RBPMS: variants seen among roughly 807,000 people sequenced by gnomAD.
RBPMS encodes RNA-binding protein with multiple splicing.
RBPMS carries 7 observed loss-of-function variants against 26.8 expected under a neutral mutation model. The observed-to-expected ratio is 0.26, with a 90% CI of 0.15 to 0.49. The LOEUF (loss-of-function observed/expected upper bound fraction) is 0.49. Ranked by LOEUF, RBPMS falls within the 20% of genes least tolerant of loss-of-function variation. RBPMS has a pLI of 0.98. For synonymous variants in RBPMS, 96 were observed against 93.3 expected, an observed-to-expected ratio of 1.03 and a Z score of -0.17; for missense variants, 186 against 250.0, an observed-to-expected ratio of 0.74 and a Z score of 1.73.
At chr8:30,568,399 G>A (rs546101840) in intron 8 of RBPMS, among the ~76,000 whole-genome samples, 6 of 152,266 alleles carry the variant, frequency 3.9e-5, no homozygotes, top group African/African-American at 1.4e-4. Flanking sequence ...CGAAGAGACC[G>A]CAGAGTGAGG....
At chr8:30,544,690 G>A (rs772058257) in intron 6 of RBPMS, 66 bp downstream of exon 6, 8 of 1,607,184 alleles carry the variant, frequency 5.0e-6, no homozygotes, top group East Asian at 4.5e-5. Context: ...CTTGGTTCCC[G>A]AGAGCACACC....
chr8:30,446,321 T>G (rs142950846), intron 1 of RBPMS, among the ~76,000 whole-genome samples: 81 of 152,348 alleles, frequency 5.3e-4, no homozygotes, highest in African/African-American at 1.9e-3. Context: ...GCCTTTAATG[T>G]AAGAATGAAG....
intron 1 of RBPMS, among the ~76,000 whole-genome samples, chr8:30,463,350 G>C (rs910517463): frequency 1.3e-5 from 2 of 152,198 alleles, no homozygotes; most frequent in African/African-American, 4.8e-5. Flanking sequence ...TTTTAGCTGG[G>C]GCTGCGGTCA....
intron 1 of RBPMS, among the ~76,000 whole-genome samples, chr8:30,439,853 T>G (rs1014078526): frequency 1.3e-5 from 2 of 152,132 alleles, no homozygotes; most frequent in African/African-American, 4.8e-5. Context: ...GGTTTCACCA[T>G]GTTGCCCAGG....
intron 1 of RBPMS, among the ~76,000 whole-genome samples, chr8:30,449,059 A>G (rs115165774): frequency 1.6e-4 from 24 of 152,314 alleles, no homozygotes; most frequent in African/African-American, 5.5e-4. Context: ...AATGACAGGT[A>G]ACTTCTGCAA....
intron 1 of RBPMS, among the ~76,000 whole-genome samples, chr8:30,450,918 T>C (rs886456346): frequency 6.6e-6 from 1 of 151,908 alleles, no homozygotes; most frequent in Admixed American, 6.6e-5. Flanking sequence ...GAAAGGCAGA[T>C]ATATATCTGG....
In RBPMS at chr8:30,518,187, T is replaced by G. The variant is rs570275622; in HGVS notation, c.397+13751T>G. On this transcript the variant is annotated intron_variant, in intron 5 of 8. Transcript: ENST00000397323. ...GGAGACGTTTCTTGTGTTTTTTCTTTGTTTTGTTTAAAACGACTTACATTT... is the reference window on the plus strand; with the variant it reads ...GGAGACGTTTCTTGTGTTTTTTCTTGGTTTTGTTTAAAACGACTTACATTT... Among the ~76,000 whole-genome samples the G allele has an allele frequency of 2.7e-3, 409 of 152,364 alleles. 4 individuals carry two copies. Among genetic ancestry groups the G allele is most frequent in the Non-Finnish European group, 5.1e-3 (347 of 68,038 alleles).
intron 5 of RBPMS, among the ~76,000 whole-genome samples, chr8:30,515,360 C>A (rs1402020001): frequency 6.6e-6 from 1 of 152,168 alleles, no homozygotes; most frequent in Non-Finnish European, 1.5e-5. Flanking sequence ...ATAACCACCC[C>A]TTAATAAGTG....
At chr8:30,557,631 T>C (rs1454498624) in intron 6 of RBPMS, among the ~76,000 whole-genome samples, 1 of 152,166 alleles carries the variant, frequency 6.6e-6, no homozygotes, top group Non-Finnish European at 1.5e-5. Context: ...GAGATCTCAG[T>C]AAGTCCTCCT....
At chr8:30,535,478 G>C (rs1349715741) in intron 5 of RBPMS, among the ~76,000 whole-genome samples, 1 of 152,110 alleles carries the variant, frequency 6.6e-6, no homozygotes, top group Non-Finnish European at 1.5e-5. Context: ...TCCATGCCTT[G>C]ATGAAGACTC....
intron 5 of RBPMS, among the ~76,000 whole-genome samples, chr8:30,516,930 A>G (rs1195996722): frequency 6.6e-6 from 1 of 151,870 alleles, no homozygotes; most frequent in Non-Finnish European, 1.5e-5. Flanking sequence ...ACAGACACAC[A>G]TGAGTTTTCC....
intron 1 of RBPMS, among the ~76,000 whole-genome samples, chr8:30,391,149 G>A (rs913106091): frequency 1.4e-4 from 22 of 151,778 alleles, no homozygotes; most frequent in Admixed American, 9.9e-4. Context: ...CTCCATTTGC[G>A]AGCACAGGTG....
chr8:30,513,815 G>A (rs1470276655), intron 5 of RBPMS, among the ~76,000 whole-genome samples: 1 of 152,076 alleles, frequency 6.6e-6, no homozygotes, highest in African/African-American at 2.4e-5. Context: ...TGCTCATTGT[G>A]AAGGAAGGTG....
intron 1 of RBPMS, among the ~76,000 whole-genome samples, chr8:30,414,861 C>T (rs2061616413): frequency 6.6e-6 from 1 of 152,070 alleles, no homozygotes. Context: ...TCCATGACAC[C>T]ACACTTGGTT....
chr8:30,442,814 A>G (rs553330083), intron 1 of RBPMS: 1 of 151,774 alleles, frequency 6.6e-6, no homozygotes, highest in Non-Finnish European at 1.5e-5. Context: ...CCTGTGAGGG[A>G]TCTCTTTAAC....
At chr8:30,419,443 C>T (rs945882455) in intron 1 of RBPMS, among the ~76,000 whole-genome samples, 1 of 69,138 alleles carries the variant, frequency 1.4e-5, no homozygotes, top group Non-Finnish European at 3.0e-5. Context: ...GAGATTGCAT[C>T]TCAAAAATGT....
At position 30,544,531 on chromosome 8, in the gene RBPMS, TGAAGTGTGGGCCCC is replaced by T; in HGVS notation, c.437_450del (p.Glu146ValfsTer65). ...TGCCTGCACTTTACCCCAGTAGCCC[TGAAGTGTGGGCCCC>T]GTACCCTCTGTACCCAGCGGAGTTA... On this transcript the variant is annotated frameshift_variant, in exon 6 of 9. Coordinates refer to ENST00000397323, the MANE Select transcript of RBPMS (RefSeq NM_001008710.3). LOFTEE classifies it high-confidence loss of function. The T allele has an allele frequency of 6.2e-7, 1 of 1,614,222 alleles. No homozygotes were observed. Among genetic ancestry groups the T allele is most frequent in the Non-Finnish European group, 8.5e-7 (1 of 1,180,042 alleles).
intron 4 of RBPMS, among the ~76,000 whole-genome samples, chr8:30,499,888 GTGTGTGTGTGTGTGTGTGTT>G (rs2150917397): frequency 1.1e-5 from 1 of 90,266 alleles, no homozygotes; most frequent in African/African-American, 3.2e-5. Flanking sequence ...GTGTGTGTGT[GTGTGTGTGTGTGTGTGTGTT>G]TGATAAATGT....
chr8:30,393,576 G>T (rs1282841698), intron 1 of RBPMS, among the ~76,000 whole-genome samples: 5 of 151,432 alleles, frequency 3.3e-5, no homozygotes, highest in African/African-American at 9.7e-5. Flanking sequence ...AGCCTGGAGT[G>T]CAGTGGCGCC....
Sources: gnomAD v4.1 joint callset for allele counts (sites outside exome capture counted in the v4.1 genomes callset) on GRCh38, gnomAD v4.1.1 for gene constraint, MANE v1.5 for transcripts, NCBI Gene and HGNC (gene_info 2026-07-23, HGNC 2026-07-21) for gene names.